ASXL3: variants seen among roughly 807,000 people sequenced by gnomAD.
ASXL3 encodes putative Polycomb group protein ASXL3.
Under a neutral mutation model 170.6 loss-of-function variants are expected in ASXL3, and 34 were observed. The ratio of observed to expected loss-of-function variants is 0.20; its 90% confidence interval spans 0.15 to 0.27. ASXL3 has a LOEUF of 0.27. ASXL3 is among the 10% of genes least tolerant of loss of function. ASXL3 has a pLI of 1.00. For synonymous variants in ASXL3, 1,002 were observed against 989.1 expected (o/e 1.01, Z -0.24); for missense variants, 2,592 against 2,695.3 (o/e 0.96, Z 0.85).
intron 2 of ASXL3, among the ~76,000 whole-genome samples, chr18:33,640,491 C>T (rs920327852): frequency 2.0e-5 from 3 of 151,990 alleles, no homozygotes; most frequent in African/African-American, 7.2e-5. Context: ...CCTCATTCTT[C>T]TCCACTAGTA....
chr18:33,668,942 A>G (rs908584774), intron 5 of ASXL3, among the ~76,000 whole-genome samples: 2 of 151,250 alleles, frequency 1.3e-5, no homozygotes, highest in Non-Finnish European at 3.0e-5. Context: ...AAAATGTCTA[A>G]TTTTTTTTTC....
At chr18:33,590,555 C>T (rs2065069418) in intron 1 of ASXL3, among the ~76,000 whole-genome samples, 1 of 152,182 alleles carries the variant, frequency 6.6e-6, no homozygotes, top group Admixed American at 6.5e-5. Flanking sequence ...TTGTGGAGGA[C>T]TGTTTCCAGT....
At chr18:33,735,915 G>A (rs1264899404) in intron 10 of ASXL3, among the ~76,000 whole-genome samples, 5 of 152,012 alleles carry the variant, frequency 3.3e-5, no homozygotes, top group African/African-American at 9.7e-5. Context: ...TCAGTTCAAG[G>A]GACCTACATT....
At position 33,743,347 on chromosome 18, in the gene ASXL3, TCTC is replaced by T; in HGVS notation, c.3502_3504del (p.Pro1168del). ...CATTATTGTCAATCCAAACTGTAGA[TCTC>T]CTAGCAACAAGTCTGCCCACCTCCG... On this transcript the variant is annotated inframe_deletion, in exon 12 of 12. Transcript: ENST00000269197. 1 of 1,613,612 alleles carries T rather than the reference TCTC, an allele frequency of 6.2e-7. No individual in the cohort carries two copies. Among genetic ancestry groups the T allele is most frequent in the Non-Finnish European group, 8.5e-7 (1 of 1,179,840 alleles).
At chr18:33,654,638 T>G (rs1392851844) in intron 4 of ASXL3, among the ~76,000 whole-genome samples, 1 of 152,034 alleles carries the variant, frequency 6.6e-6, no homozygotes, top group Non-Finnish European at 1.5e-5. Context: ...TTTATTTCTG[T>G]GCAGATGTTT....
rs553764690 is a variant in ASXL3, at chr18:33,674,839, C to T, written c.715+2973C>T. Among the ~76,000 whole-genome samples the T allele has an allele frequency of 2.3e-3, 353 of 152,108 alleles. 1 individual carries two copies. The highest frequency in any genetic ancestry group is 2.4e-3 in the Non-Finnish European group (165 of 67,988). ...TTCACCATGTTAGCCAGGATGGTCT[C>T]GATCTCCTGACCTCATGATCCACCT... is the stretch of plus-strand genomic sequence containing the variant. On this transcript the variant is annotated intron_variant, in intron 7 of 11. Transcript: ENST00000269197.
At position 33,740,406 on chromosome 18, in the gene ASXL3, A is replaced by G. The variant is rs1399836172; in HGVS notation, c.3002A>G (p.Gln1001Arg). 1 of 1,597,138 alleles carries G rather than the reference A, an allele frequency of 6.3e-7. No homozygotes were observed. Among genetic ancestry groups the G allele is most frequent in the South Asian group, 1.1e-5 (1 of 88,366 alleles). The change falls in exon 11 of 12, where the codon CAG becomes CGG. Residue 1001 changes from glutamine to arginine, a missense_variant. This residue lies in a region of ASXL3 where 2,246 missense variants were observed against 2,219.6 expected (regional missense o/e 1.01). Coordinates refer to ENST00000269197, the MANE Select transcript of ASXL3 (RefSeq NM_030632.3). ...TCTAGCAGCCCACCTGAGAAAGAAC[A>G]GCCTCCCAGAGAGGAACCAAGGGTT... The part of the protein sequence containing the change: ...ISSSSPPEKE[Q>R]PPREEPRVPP...
rs2066544714 is a variant in ASXL3, at chr18:33,683,389, T to C, written c.716-16T>C. On this transcript the variant is annotated splice_polypyrimidine_tract_variant and intron_variant, in intron 7 of 11. Transcript: ENST00000269197. The stretch of plus-strand genomic sequence containing the variant: ...CTACCTGTAGTAAATTCATGCCTCT[T>C]GCTTGTTCATCACAGGGCACTTGAA... 3 of 1,604,986 alleles carry C rather than the reference T, an allele frequency of 1.9e-6. No homozygotes were observed. The East Asian group carries it at 6.7e-5, about 36-fold the overall frequency.
At chr18:33,725,907 T>C (rs2067342142) in intron 8 of ASXL3, among the ~76,000 whole-genome samples, 1 of 152,120 alleles carries the variant, frequency 6.6e-6, no homozygotes, top group Non-Finnish European at 1.5e-5. Flanking sequence ...ATATTCTCCT[T>C]CCTCTCTGTT....
chr18:33,636,115 G>A (rs1552234), intron 2 of ASXL3, among the ~76,000 whole-genome samples: 76,646 of 151,920 alleles, frequency 0.5, 19,843 homozygotes, highest in East Asian at 0.79. Flanking sequence ...TTCCCCATAC[G>A]GATGGTAGCC....
intron 8 of ASXL3, among the ~76,000 whole-genome samples, chr18:33,710,425 G>A (rs1021912439): frequency 6.6e-6 from 1 of 152,188 alleles, no homozygotes; most frequent in Non-Finnish European, 1.5e-5. Flanking sequence ...GTATGTGCTA[G>A]AAAGAATTGT....
intron 8 of ASXL3, among the ~76,000 whole-genome samples, chr18:33,688,183 T>C (rs1216244503): frequency 1.3e-5 from 2 of 152,182 alleles, no homozygotes; most frequent in Non-Finnish European, 2.9e-5. Context: ...CAAATTGGCC[T>C]AAACCCAGTA....
chr18:33,694,842 C>A (rs1267383358), intron 8 of ASXL3, among the ~76,000 whole-genome samples: 1 of 152,070 alleles, frequency 6.6e-6, no homozygotes, highest in African/African-American at 2.4e-5. Flanking sequence ...TAAAATGGAA[C>A]ATTTACACAG....
At chr18:33,707,128 A>G (rs941269498) in intron 8 of ASXL3, among the ~76,000 whole-genome samples, 2 of 151,902 alleles carry the variant, frequency 1.3e-5, no homozygotes, top group African/African-American at 4.8e-5. Context: ...CACCAAAACC[A>G]TGTTATCTTG....
intron 5 of ASXL3, 99 bp from the exon 6 acceptor site, chr18:33,670,574 A>G (rs1346867080): frequency 5.1e-6 from 4 of 791,468 alleles, no homozygotes; most frequent in African/African-American, 1.8e-5. Context: ...GTCTCTTAAG[A>G]GGTTCTATGT....
In ASXL3 at chr18:33,738,613, A is replaced by G. The variant is rs1243680948; in HGVS notation, c.1209A>G (p.Gln403=). ...PVSAQTALAE[Q]QPKSMKSPAS... ...CTGCACAGACAGCCTTGGCAGAACA[A>G]CAGCCAAAAAGCATGAAAAGCCCAG... The change falls in exon 11 of 12, where the codon CAA becomes CAG. Residue 403 remains glutamine, a synonymous_variant. Coordinates refer to ENST00000269197, the MANE Select transcript of ASXL3 (RefSeq NM_030632.3). 2.5e-6 allele frequency: 4 copies of G among 1,613,924 alleles called. No individual in the cohort carries two copies. The highest frequency in any genetic ancestry group is 3.4e-6 in the Non-Finnish European group (4 of 1,179,856).
intron 8 of ASXL3, among the ~76,000 whole-genome samples, chr18:33,688,354 G>C (rs555273714): frequency 6.6e-6 from 1 of 152,226 alleles, no homozygotes. Flanking sequence ...AACAGCGCCT[G>C]TTGAAGACAA....
intron 11 of ASXL3, among the ~76,000 whole-genome samples, chr18:33,741,572 C>T (rs2067663883): frequency 6.6e-6 from 1 of 152,090 alleles, no homozygotes; most frequent in African/African-American, 2.4e-5. Flanking sequence ...TGAATCTTCT[C>T]CTCAAAACTA....
intron 8 of ASXL3, among the ~76,000 whole-genome samples, chr18:33,713,243 G>GTT (rs1568343444): frequency 4.8e-4 from 22 of 45,490 alleles, no homozygotes; most frequent in African/African-American, 1.5e-3. Flanking sequence ...TTTTTGTTTT[G>GTT]TTTTGTTTTT....
Sources: gnomAD v4.1 joint callset for allele counts (sites outside exome capture counted in the v4.1 genomes callset) on GRCh38, gnomAD v4.1.1 for gene constraint, gnomAD v4.1.1 regional missense constraint, MANE v1.5 for transcripts, NCBI Gene and HGNC (gene_info 2026-07-23, HGNC 2026-07-21) for gene names.